The following SFSWAP variants were observed in gnomAD, a reference collection of about 807,000 sequenced individuals.
SFSWAP encodes the protein splicing factor, suppressor of white-apricot homolog.
In SFSWAP, 17 loss-of-function variants were observed where a neutral mutation model predicts 100.7. The observed-to-expected ratio is 0.17, with a 90% CI of 0.12 to 0.25. SFSWAP has a LOEUF of 0.25. SFSWAP is among the 10% of genes least tolerant of loss of function. SFSWAP has a pLI of 1.00. For synonymous variants in SFSWAP, 504 were observed against 510.1 expected, an observed-to-expected ratio of 0.99 and a Z score of 0.16; for missense variants, 1,005 against 1,262.6, an observed-to-expected ratio of 0.80 and a Z score of 3.09.
chr12:131,734,983 A>G lies in SFSWAP; in HGVS notation c.1081+6555A>G, dbSNP rs1284945390. On this transcript the variant is annotated intron_variant, in intron 7 of 17. Coordinates refer to ENST00000261674, the MANE Select transcript of SFSWAP (RefSeq NM_004592.4). The surrounding 1 kb of genome is among the most constrained non-coding windows in gnomAD (Gnocchi z 4.9). ...CCGGAAGCGACTGTCCGTGAAGGTG[A>G]CGCTCATACCGTAACCTTAGCAGCA... Among the ~76,000 whole-genome samples the G allele has an allele frequency of 1.3e-5, 2 of 152,150 alleles. No homozygotes were observed. Among genetic ancestry groups the G allele is most frequent in the African/African-American group, 4.8e-5 (2 of 41,438 alleles).
intron 13 of SFSWAP, among the ~76,000 whole-genome samples, chr12:131,776,106 A>G (rs2136252137): frequency 6.6e-6 from 1 of 152,324 alleles, no homozygotes; most frequent in South Asian, 2.1e-4. Flanking sequence ...GCCTCAAAAC[A>G]AACAAAAATA....
intron 13 of SFSWAP, among the ~76,000 whole-genome samples, chr12:131,775,420 C>A (rs973818343): frequency 6.6e-6 from 1 of 152,162 alleles, no homozygotes; most frequent in African/African-American, 2.4e-5. Context: ...GCCCCTGGGC[C>A]GGCTTGCTTT....
intron 4 of SFSWAP, chr12:131,723,158 T>G (rs907265103): frequency 4.6e-5 from 7 of 152,164 alleles, no homozygotes; most frequent in Admixed American, 2.6e-4. Context: ...CATCATAATT[T>G]AGGTACTGTA....
In SFSWAP at chr12:131,711,253, C is replaced by G; in HGVS notation, c.24C>G (p.Arg8=). ...TCATGTACGGCGCGAGCGGGGGCCGCGCCAAACCCGAGAGGAAAAGCGGCG... is the reference window on the plus strand; with the variant it reads ...TCATGTACGGCGCGAGCGGGGGCCGGGCCAAACCCGAGAGGAAAAGCGGCG... MYGASGG[R]AKPERKSGAK... is the part of the protein sequence containing the mutation. Residue 8 remains arginine (R), a synonymous_variant, in exon 1 of 18, where the codon CGC becomes CGG. Coordinates refer to ENST00000261674, the MANE Select transcript of SFSWAP (RefSeq NM_004592.4). This position sits in a 1 kb window ranked among gnomAD's most constrained non-coding sequence, Gnocchi z 4.9. 6.2e-7 allele frequency: 1 copy of G among 1,607,940 alleles called. No homozygotes were observed.
In SFSWAP at chr12:131,794,756, T is replaced by TG. The variant is rs1885511053; in HGVS notation, c.2535-2421dup. On this transcript the variant is annotated intron_variant, in intron 15 of 17. Transcript: ENST00000261674. The surrounding 1 kb of genome is among the most constrained non-coding windows in gnomAD (Gnocchi z 4.8). ...GCCCAGGTGTCAGGGTGTGCGCACT[T>TG]GCCAAGCTCAGCGGCAGCACCGAGG... 6.6e-6 allele frequency among the ~76,000 whole-genome samples: 1 copy of TG among 152,150 alleles called. No homozygotes were observed. The highest frequency in any genetic ancestry group is 2.1e-4 in the South Asian group (1 of 4,828).
At chr12:131,768,945 G>T (rs1883347653) in intron 13 of SFSWAP, among the ~76,000 whole-genome samples, 1 of 152,126 alleles carries the variant, frequency 6.6e-6, no homozygotes, top group South Asian at 2.1e-4. Context: ...GGTCAACATG[G>T]TGAAACCTCG....
At chr12:131,772,323 A>G (rs1013507660) in intron 13 of SFSWAP, among the ~76,000 whole-genome samples, 1 of 152,232 alleles carries the variant, frequency 6.6e-6, no homozygotes, top group Non-Finnish European at 1.5e-5. Flanking sequence ...GTGATTTTAC[A>G]TATTCAGGTA....
chr12:131,772,237 A>G (rs1883674754), intron 13 of SFSWAP, among the ~76,000 whole-genome samples: 1 of 152,190 alleles, frequency 6.6e-6, no homozygotes. Flanking sequence ...CCTTCTTTAC[A>G]ACGTGCTGAA....
chr12:131,759,574 T>C (rs1593158299), intron 11 of SFSWAP, among the ~76,000 whole-genome samples: 4 of 151,014 alleles, frequency 2.6e-5, no homozygotes, highest in Middle Eastern at 6.8e-3. Context: ...CCGAGGCGGG[T>C]GGATCACGAG....
chr12:131,728,116 C>T (rs1196389882), intron 6 of SFSWAP, among the ~76,000 whole-genome samples, 177 bp from the exon 7 acceptor site: 4 of 152,232 alleles, frequency 2.6e-5, no homozygotes, highest in Non-Finnish European at 5.9e-5. Flanking sequence ...CTCAGTTCCT[C>T]TGAGACAGCC....
chr12:131,772,501 CAG>C lies in SFSWAP; in HGVS notation c.2143-5563_2143-5562del, dbSNP rs570674395. Among the ~76,000 whole-genome samples, 56 of 152,332 alleles carry C rather than the reference CAG, an allele frequency of 3.7e-4. 1 individual carries two copies. The South Asian group carries it at 7.9e-3, about 21-fold the overall frequency. On this transcript the variant is annotated intron_variant, in intron 13 of 17. Coordinates refer to ENST00000261674, the MANE Select transcript of SFSWAP (RefSeq NM_004592.4). The stretch of plus-strand genomic sequence containing the variant: ...CCCTTGACCCTTCTCAGGACTGGCA[CAG>C]GGGGTGGCTCGTTTTCTCGGCTGCC...
At chr12:131,729,266 G>A (rs1344216837) in intron 7 of SFSWAP, among the ~76,000 whole-genome samples, 1 of 152,170 alleles carries the variant, frequency 6.6e-6, no homozygotes, top group Non-Finnish European at 1.5e-5. Context: ...CACTTTGGGA[G>A]GCTGAGGTGG....
chr12:131,714,938 C>A lies in SFSWAP; in HGVS notation c.505C>A (p.Pro169Thr), dbSNP rs758654787. 37 of 1,613,828 alleles carry A rather than the reference C, an allele frequency of 2.3e-5. No individual in the cohort carries two copies. The highest frequency in any genetic ancestry group is 8.3e-5 in the Admixed American group (5 of 59,988). Residue 169 changes from proline (P) to threonine (T), a missense_variant, in exon 3 of 18, where the codon CCT becomes ACT. Physicochemically the swap from Pro to Thr is conservative, Grantham distance 38 (BLOSUM62 -1). This residue lies in a region of SFSWAP where 237 missense variants were observed against 337.0 expected (regional missense o/e 0.70). Coordinates refer to ENST00000261674, the MANE Select transcript of SFSWAP (RefSeq NM_004592.4). The surrounding 1 kb of genome is among the most constrained non-coding windows in gnomAD (Gnocchi z 6.0). ...DPSEPTEEEE[P>T]SKQREKNEAE... Reference sequence around the variant, plus strand: ...GTCAGAGCCGACGGAGGAGGAGGAGCCTTCCAAACAGAGAGGTGAGTGGGG... The same window carrying A: ...GTCAGAGCCGACGGAGGAGGAGGAGACTTCCAAACAGAGAGGTGAGTGGGG...
At chr12:131,787,591 A>C (rs1441434118) in intron 15 of SFSWAP, among the ~76,000 whole-genome samples, 1 of 152,202 alleles carries the variant, frequency 6.6e-6, no homozygotes, top group Non-Finnish European at 1.5e-5. Flanking sequence ...CGTAGCCTTG[A>C]GCTTCATAAC....
rs1284111937 is a variant in SFSWAP, at chr12:131,728,274, G to A, written c.946-19G>A. 1.2e-6 allele frequency: 2 copies of A among 1,614,030 alleles called. No homozygotes were observed. The highest frequency in any genetic ancestry group is 1.1e-5 in the South Asian group (1 of 91,064). The stretch of plus-strand genomic sequence containing the variant: ...GTTCAGAATATTGAATGCTAAGGCT[G>A]TGTCTTCTCTGTTTCCAGCCCTTGA... On this transcript the variant is annotated intron_variant, in intron 6 of 17. Coordinates refer to ENST00000261674, the MANE Select transcript of SFSWAP (RefSeq NM_004592.4).
In SFSWAP at chr12:131,725,924, G is replaced by T. The variant is rs150757181; in HGVS notation, c.832+294G>T. On this transcript the variant is annotated intron_variant, in intron 5 of 17. Transcript: ENST00000261674. This position sits in a 1 kb window ranked among gnomAD's most constrained non-coding sequence, Gnocchi z 4.3. ...GGTGGGAAATTTTTGCCCTCATTTTGCCCACTTAACATTTCATAGAGAAAA... is the reference window on the plus strand; with the variant it reads ...GGTGGGAAATTTTTGCCCTCATTTTTCCCACTTAACATTTCATAGAGAAAA... 1.4e-4 allele frequency among the ~76,000 whole-genome samples: 22 copies of T among 152,140 alleles called. No individual in the cohort carries two copies. In the East Asian group the frequency reaches 4.2e-3, roughly 29 times the overall value.
rs1215582208 is a variant in SFSWAP, at chr12:131,756,613, T to C, written c.1689T>C (p.Ser563=). ...GCGGGAAGAAGGAGGCATCGTCCAGTAAGACCGTCCCGGACGGGAAGCTGG... is the reference window on the plus strand; with the variant it reads ...GCGGGAAGAAGGAGGCATCGTCCAGCAAGACCGTCCCGGACGGGAAGCTGG... The part of the protein sequence containing the change: ...GSGGKKEASS[S]KTVPDGKLVK... Residue 563 remains serine (S), a synonymous_variant, in exon 11 of 18, where the codon AGT becomes AGC. Transcript: ENST00000261674. The C allele has an allele frequency of 6.2e-7, 1 of 1,610,272 alleles. No homozygotes were observed. Among genetic ancestry groups the C allele is most frequent in the East Asian group, 2.2e-5 (1 of 44,786 alleles).
intron 15 of SFSWAP, among the ~76,000 whole-genome samples, chr12:131,792,932 C>A (rs899050388): frequency 7.2e-5 from 11 of 152,072 alleles, no homozygotes; most frequent in African/African-American, 2.2e-4. Context: ...TCAAGACTTA[C>A]CAGAAAGCTA....
At chr12:131,732,279 C>T (rs955655396) in intron 7 of SFSWAP, among the ~76,000 whole-genome samples, 5 of 152,122 alleles carry the variant, frequency 3.3e-5, no homozygotes, top group Non-Finnish European at 5.9e-5. Flanking sequence ...TTTGCAATGC[C>T]GGACAGTGAG....
Sources: gnomAD v4.1 joint callset for allele counts (sites outside exome capture counted in the v4.1 genomes callset) on GRCh38, gnomAD v4.1.1 for gene constraint, gnomAD v4.1.1 regional missense constraint, Gnocchi (gnomAD v3.1) non-coding constraint, MANE v1.5 for transcripts, NCBI Gene and HGNC (gene_info 2026-07-23, HGNC 2026-07-21) for gene names.